The following ATP2B2 variants were observed in gnomAD, a reference collection of about 807,000 sequenced individuals.
ATP2B2 encodes the protein plasma membrane calcium-transporting ATPase 2.
ATP2B2 carries 15 observed loss-of-function variants against 120.0 expected under a neutral mutation model. That is an observed-to-expected ratio of 0.12 (90% CI 0.08 to 0.19). The LOEUF (loss-of-function observed/expected upper bound fraction) is 0.19, where lower values mean the gene tolerates loss of function less well. Among genes scored for constraint, ATP2B2 ranks in the 10% least tolerant of loss-of-function variants. The pLI, the probability that ATP2B2 is intolerant of heterozygous loss-of-function variation, is 1.00. For synonymous variants in ATP2B2, 694 were observed against 700.3 expected (o/e 0.99, Z 0.14); for missense variants, 1,045 against 1,719.8 (o/e 0.61, Z 6.94).
At chr3:10,337,014 C>T (rs1418223099) in intron 22 of ATP2B2, among the ~76,000 whole-genome samples, 3 of 152,130 alleles carry the variant, frequency 2.0e-5, no homozygotes, top group African/African-American at 2.4e-5. Flanking sequence ...GGAGGGGTGG[C>T]TGCGGGGCCC....
At chr3:10,447,131 C>T (rs190559440) in intron 2 of ATP2B2, among the ~76,000 whole-genome samples, 200 of 152,366 alleles carry the variant, frequency 1.3e-3, no homozygotes, top group Admixed American at 2.5e-3. Context: ...TTATCTGCAG[C>T]TTGGGCTACT....
intron 2 of ATP2B2, among the ~76,000 whole-genome samples, chr3:10,577,932 T>C (rs544372083): frequency 6.6e-6 from 1 of 152,134 alleles, no homozygotes; most frequent in Non-Finnish European, 1.5e-5. Flanking sequence ...AACTATTGCT[T>C]ATATTCTGAT....
intron 22 of ATP2B2, among the ~76,000 whole-genome samples, chr3:10,337,437 G>T (rs905801806): frequency 4.6e-5 from 7 of 152,172 alleles, no homozygotes; most frequent in Non-Finnish European, 1.0e-4. Flanking sequence ...GGCTGTGACA[G>T]CACTTGTGAG....
chr3:10,580,044 G>C (rs935301610), intron 2 of ATP2B2, among the ~76,000 whole-genome samples: 1 of 152,096 alleles, frequency 6.6e-6, no homozygotes. Flanking sequence ...GCAGGGATAG[G>C]CTGAGGTCCC....
intron 3 of ATP2B2, among the ~76,000 whole-genome samples, chr3:10,408,571 G>A (rs111641007): frequency 2.2e-3 from 331 of 152,324 alleles, no homozygotes; most frequent in African/African-American, 7.6e-3. Flanking sequence ...TAGTGCCCCA[G>A]CCAGAGGCAG....
At chr3:10,688,625 G>C (rs778306721) in intron 1 of ATP2B2, among the ~76,000 whole-genome samples, 8 of 152,160 alleles carry the variant, frequency 5.3e-5, no homozygotes, top group Admixed American at 5.2e-4. Context: ...CTCTCAGACA[G>C]GGACAACGTT....
rs545850302 is a variant in ATP2B2, at chr3:10,621,186, C to T, written c.-459-1225G>A. ...TGGGCCCTGATCCTCCCTTCCCCCT[C>T]CCTCCATCCTGTTCTCTTCTACTGC... On this transcript the variant is annotated intron_variant, in intron 1 of 21. Transcript: ENST00000646379. Among the ~76,000 whole-genome samples the T allele has an allele frequency of 5.9e-5, 9 of 152,278 alleles. No individual in the cohort carries two copies. In the South Asian group the frequency reaches 1.9e-3, roughly 32 times the overall value.
At chr3:10,551,963 G>A (rs944526845) in intron 2 of ATP2B2, among the ~76,000 whole-genome samples, 12 of 152,252 alleles carry the variant, frequency 7.9e-5, no homozygotes, top group Admixed American at 6.5e-5. Flanking sequence ...ACAATGCCAA[G>A]GTTGCATAAG....
intron 1 of ATP2B2, among the ~76,000 whole-genome samples, chr3:10,663,414 A>G (rs528137609): frequency 6.6e-6 from 1 of 152,182 alleles, no homozygotes. Flanking sequence ...AGAAGAATGA[A>G]GCAAAAAAGG....
chr3:10,588,759 AG>A (rs1490901770), intron 2 of ATP2B2, among the ~76,000 whole-genome samples: 4 of 152,188 alleles, frequency 2.6e-5, no homozygotes, highest in Admixed American at 6.5e-5. Context: ...TAAGAGGTAG[AG>A]ATGCTTTTTA....
chr3:10,662,392 C>T (rs1004709386), intron 1 of ATP2B2, among the ~76,000 whole-genome samples: 23 of 147,328 alleles, frequency 1.6e-4, no homozygotes, highest in Admixed American at 3.3e-4. Flanking sequence ...AACAAATTTA[C>T]AAGAAAAAAA....
At chr3:10,424,529 T>C (rs149972998) in intron 2 of ATP2B2, among the ~76,000 whole-genome samples, 80 of 152,360 alleles carry the variant, frequency 5.3e-4, no homozygotes, top group African/African-American at 1.8e-3. Context: ...TAAATATTTG[T>C]GTTGTCACTG....
chr3:10,372,698 T>C (rs1168757970), intron 11 of ATP2B2, among the ~76,000 whole-genome samples: 1 of 152,176 alleles, frequency 6.6e-6, no homozygotes, highest in Non-Finnish European at 1.5e-5. Context: ...TTAGCTACCA[T>C]CCAGAACTAG....
chr3:10,398,879 C>A lies in ATP2B2; in HGVS notation c.781+2074G>T, dbSNP rs182830598. On this transcript the variant is annotated intron_variant, in intron 5 of 22. Coordinates refer to ENST00000360273, the MANE Select transcript of ATP2B2 (RefSeq NM_001001331.4). ...GTCTTATTTTTGGCACCTCTGTTCCCTCTGGGCCCTCCTGCCCCTGCTCCG... is the reference window on the plus strand; with the variant it reads ...GTCTTATTTTTGGCACCTCTGTTCCATCTGGGCCCTCCTGCCCCTGCTCCG... Among the ~76,000 whole-genome samples the A allele has an allele frequency of 2.3e-3, 356 of 152,348 alleles. 2 individuals are homozygous for A. Among genetic ancestry groups the A allele is most frequent in the African/African-American group, 8.2e-3 (342 of 41,568 alleles).
chr3:10,419,252 C>T (rs184590094), intron 2 of ATP2B2, among the ~76,000 whole-genome samples: 2 of 152,350 alleles, frequency 1.3e-5, no homozygotes, highest in Admixed American at 1.3e-4. Context: ...GTAAGAGCCA[C>T]TTAATGGACT....
rs766884311 is a variant in ATP2B2, at chr3:10,346,943, C to T, written c.2405-806G>A. On this transcript the variant is annotated intron_variant, in intron 16 of 22. Coordinates refer to ENST00000360273, the MANE Select transcript of ATP2B2 (RefSeq NM_001001331.4). This position sits in a 1 kb window ranked among gnomAD's most constrained non-coding sequence, Gnocchi z 4.1. Reference sequence around the variant, plus strand: ...CCTTCCTTTTCTCTGTCTCCACCCTCTGCCACCAGCATCACTTTGTTTCCT... The same window carrying T: ...CCTTCCTTTTCTCTGTCTCCACCCTTTGCCACCAGCATCACTTTGTTTCCT... Among the ~76,000 whole-genome samples the T allele has an allele frequency of 5.3e-5, 8 of 152,208 alleles. No homozygotes were observed. The highest frequency in any genetic ancestry group is 2.6e-4 in the Admixed American group (4 of 15,288).
At chr3:10,625,163 G>A (rs2069660949) in intron 1 of ATP2B2, among the ~76,000 whole-genome samples, 2 of 152,336 alleles carry the variant, frequency 1.3e-5, no homozygotes, top group South Asian at 4.1e-4. Flanking sequence ...CAAGGTCTCT[G>A]GCTGCACGAG....
chr3:10,605,732 T>C (rs2069046418), intron 2 of ATP2B2, among the ~76,000 whole-genome samples: 2 of 151,136 alleles, frequency 1.3e-5, no homozygotes, highest in Admixed American at 6.6e-5. Context: ...CACTGCAACC[T>C]CCGCCTCCCG....
At position 10,529,383 on chromosome 3, in the gene ATP2B2, C is replaced by T. The variant is rs914961776; in HGVS notation, c.-320+4656G>A. Among the ~76,000 whole-genome samples the T allele has an allele frequency of 3.3e-5, 5 of 152,186 alleles. No individual in the cohort carries two copies. In the South Asian group the frequency reaches 6.2e-4, roughly 19 times the overall value. ...CTTGAAAGCTAAGTCCCTGGCTTCCCGTGTCTCCAGAGTCTAGCATATAGT... is the reference window on the plus strand; with the variant it reads ...CTTGAAAGCTAAGTCCCTGGCTTCCTGTGTCTCCAGAGTCTAGCATATAGT... On this transcript the variant is annotated intron_variant, in intron 3 of 21. Coordinates refer to the ATP2B2 transcript ENST00000646379.
Sources: gnomAD v4.1 joint callset for allele counts (sites outside exome capture counted in the v4.1 genomes callset) on GRCh38, gnomAD v4.1.1 for gene constraint, Gnocchi (gnomAD v3.1) non-coding constraint, MANE v1.5 for transcripts, NCBI Gene and HGNC (gene_info 2026-07-23, HGNC 2026-07-21) for gene names.